Variants in PARP4 observed in about 807,000 individuals in gnomAD.
PARP4 encodes the protein poly(ADP-ribose) polymerase family member 4.
A neutral mutation model predicts 187.7 loss-of-function variants in PARP4; 120 were observed. That is an observed-to-expected ratio of 0.64 (90% CI 0.55 to 0.74). The LOEUF is 0.74. Among genes scored for constraint, PARP4 ranks in the 30% least tolerant of loss-of-function variants. The pLI, the probability that PARP4 is intolerant of heterozygous loss-of-function variation, is 0.00. For missense variants in PARP4, 1,836 were observed against 2,070.5 expected (o/e 0.89, Z 2.20); for synonymous variants, 654 against 740.9 (o/e 0.88, Z 1.90).
chr13:24,430,205 T>C (rs1412136763), intron 32 of PARP4, among the ~76,000 whole-genome samples: 1 of 152,200 alleles, frequency 6.6e-6, no homozygotes, highest in Non-Finnish European at 1.5e-5. Flanking sequence ...TTTGGCCTAG[T>C]GCAGGTCAAA....
intron 25 of PARP4, among the ~76,000 whole-genome samples, chr13:24,448,982 G>C (rs1235541913): frequency 2.0e-5 from 3 of 152,240 alleles, no homozygotes; most frequent in Non-Finnish European, 4.4e-5. Flanking sequence ...GGAATGTGGA[G>C]TTACTGCTTA....
intron 17 of PARP4, among the ~76,000 whole-genome samples, chr13:24,467,895 T>A (rs1872552030): frequency 6.6e-6 from 1 of 152,192 alleles, no homozygotes; most frequent in Non-Finnish European, 1.5e-5. Flanking sequence ...ACATACAGTT[T>A]GGCCATACAT....
At chr13:24,447,580 C>T (rs1972900) in intron 25 of PARP4, among the ~76,000 whole-genome samples, 125,806 of 152,138 alleles carry the variant, frequency 0.83, 54,543 homozygotes, top group East Asian at 0.98. Flanking sequence ...AGGCTGGTCT[C>T]GAACTCCTGA....
At position 24,478,069 on chromosome 13, in the gene PARP4, G is replaced by A. The variant is rs1201381974; in HGVS notation, c.1632+24C>T. On this transcript the variant is annotated intron_variant, in intron 13 of 33. Coordinates refer to ENST00000381989, the MANE Select transcript of PARP4 (RefSeq NM_006437.4). ...TCTTTGAGCATTCAAGACCCTCTTT[G>A]CTTCTTCCTTGAAATAAAAATACCT... is the stretch of plus-strand genomic sequence containing the variant. 1.9e-6 allele frequency: 3 copies of A among 1,556,878 alleles called. No individual in the cohort carries two copies. The African/African-American group carries it at 4.1e-5, about 21-fold the overall frequency.
chr13:24,472,308 A>C (rs28495838), intron 15 of PARP4, among the ~76,000 whole-genome samples: 19 of 152,204 alleles, frequency 1.2e-4, no homozygotes, highest in African/African-American at 4.1e-4. Context: ...AACATGTCCC[A>C]TGAGCCCACA....
chr13:24,506,933 A>C (rs552055222), intron 1 of PARP4, among the ~76,000 whole-genome samples: 2 of 152,336 alleles, frequency 1.3e-5, no homozygotes, highest in South Asian at 4.1e-4. Context: ...GGCGGGCTGC[A>C]GGTCCCGAGC....
chr13:24,466,608 A>G (rs1367567928), intron 17 of PARP4, among the ~76,000 whole-genome samples: 2 of 152,000 alleles, frequency 1.3e-5, no homozygotes, highest in Non-Finnish European at 2.9e-5. Flanking sequence ...CAGCCTGGCC[A>G]ACATGGTGAA....
At chr13:24,466,369 C>G (rs1872472407) in intron 17 of PARP4, among the ~76,000 whole-genome samples, 1 of 151,976 alleles carries the variant, frequency 6.6e-6, no homozygotes, top group African/African-American at 2.4e-5. Context: ...TTTTGTAGAT[C>G]TGGGGTTTCA....
At chr13:24,505,676 G>A (rs745748285) in intron 1 of PARP4, among the ~76,000 whole-genome samples, 8 of 152,258 alleles carry the variant, frequency 5.3e-5, no homozygotes, top group East Asian at 1.9e-4. Flanking sequence ...TTACAGGCCC[G>A]CGCCACCACG....
At chr13:24,477,034 C>A (rs9511301) in intron 14 of PARP4, among the ~76,000 whole-genome samples, 1 of 152,016 alleles carries the variant, frequency 6.6e-6, no homozygotes, top group Non-Finnish European at 1.5e-5. Flanking sequence ...CTGCTCTCCC[C>A]ACCCCATTAC....
chr13:24,460,501 C>CTCTGCTGCATGGGTGGGT (rs1872167230), intron 17 of PARP4, among the ~76,000 whole-genome samples: 13 of 126,590 alleles, frequency 1.0e-4, no homozygotes, highest in Middle Eastern at 4.0e-3. Flanking sequence ...CATGGGTGGG[C>CTCTGCTGCATGGGTGGGT]TCTGCTGCAT....
At chr13:24,456,558 CAA>C in intron 20 of PARP4, 80 bp from the exon 21 acceptor site, 2 of 1,289,980 alleles carry the variant, frequency 1.6e-6, no homozygotes, top group Non-Finnish European at 2.1e-6. Flanking sequence ...TGTCATGGAG[CAA>C]ACCCTTGCAT....
chr13:24,465,622 G>A (rs1593619401), intron 17 of PARP4, among the ~76,000 whole-genome samples: 2 of 152,196 alleles, frequency 1.3e-5, no homozygotes, highest in African/African-American at 4.8e-5. Flanking sequence ...GCCTGTAGCG[G>A]AGGCAGGGAG....
chr13:24,452,619 T>C, intron 23 of PARP4, 26 bp from the exon 24 acceptor site: 1 of 1,580,258 alleles, frequency 6.3e-7, no homozygotes, highest in Non-Finnish European at 8.6e-7. Flanking sequence ...TGAAAGATTA[T>C]GTTCTCCTTG....
intron 30 of PARP4, among the ~76,000 whole-genome samples, chr13:24,439,947 T>A (rs1382036134): frequency 6.6e-6 from 1 of 152,222 alleles, no homozygotes; most frequent in East Asian, 1.9e-4. Flanking sequence ...GTTGCCAACA[T>A]CTGCCCTGCC....
chr13:24,498,964 A>G (rs956137599), intron 5 of PARP4, among the ~76,000 whole-genome samples: 3 of 152,182 alleles, frequency 2.0e-5, no homozygotes, highest in African/African-American at 7.2e-5. Flanking sequence ...AAACACTAAA[A>G]ATTTAAACTT....
intron 31 of PARP4, among the ~76,000 whole-genome samples, chr13:24,433,663 T>C (rs6490926): frequency 0.94 from 142,720 of 152,092 alleles, 67,068 homozygotes; most frequent in East Asian, 0.99. Flanking sequence ...CCTGTTTAAA[T>C]CTCAAACCCA....
intron 12 of PARP4, among the ~76,000 whole-genome samples, chr13:24,480,653 G>C (rs1873227195): frequency 6.6e-6 from 1 of 152,242 alleles, no homozygotes; most frequent in African/African-American, 2.4e-5. Flanking sequence ...GATCAAACCA[G>C]CCACAGCATT....
At chr13:24,456,207 C>T (rs1871842114) in intron 21 of PARP4, 134 bp downstream of exon 21, 1 of 650,474 alleles carries the variant, frequency 1.5e-6, no homozygotes, top group Non-Finnish European at 2.5e-6. Flanking sequence ...TTTTTAGTTG[C>T]AGAATCTTGA....
Sources: gnomAD v4.1 joint callset for allele counts (sites outside exome capture counted in the v4.1 genomes callset) on GRCh38, gnomAD v4.1.1 for gene constraint, MANE v1.5 for transcripts, NCBI Gene and HGNC (gene_info 2026-07-23, HGNC 2026-07-21) for gene names.